C1QTNF1: variants seen among roughly 807,000 people sequenced by gnomAD.
C1QTNF1 encodes complement C1q tumor necrosis factor-related protein 1.
A neutral mutation model predicts 27.8 loss-of-function variants in C1QTNF1; 22 were observed. The observed-to-expected ratio is 0.79, with a 90% CI of 0.56 to 1.13. C1QTNF1 has a LOEUF of 1.13. Ranked by LOEUF, C1QTNF1 falls within the 50% of genes most tolerant of loss-of-function variation. The probability of loss-of-function intolerance (pLI) is 0.00; values close to 1 mark genes in which losing one functional copy is unlikely to be tolerated. For missense variants in C1QTNF1, 373 were observed against 380.2 expected, an observed-to-expected ratio of 0.98 and a Z score of 0.16; for synonymous variants, 166 against 154.3, an observed-to-expected ratio of 1.08 and a Z score of -0.56.
chr17:79,037,381 G>A (rs575658365), intron 1 of C1QTNF1, among the ~76,000 whole-genome samples: 11 of 152,158 alleles, frequency 7.2e-5, no homozygotes, highest in African/African-American at 2.4e-4. Context: ...CACCCGCCTC[G>A]GCCTCCCAAA....
chr17:79,043,083 T>C (rs892399565), intron 1 of C1QTNF1, among the ~76,000 whole-genome samples: 7 of 149,182 alleles, frequency 4.7e-5, no homozygotes, highest in Non-Finnish European at 8.9e-5. Flanking sequence ...GGGTTGCATG[T>C]GTGTATGTGT....
Position 79,029,804 on chromosome 17 carries a change from TG to T in C1QTNF1, c.-15+5313del, listed in dbSNP as rs34948350. ...CAGCCTGGATGAAGTGCCACCCTGCTGGGCTCCCTACCACCTGTGCTGTTCC... is the reference window on the plus strand; with the variant it reads ...CAGCCTGGATGAAGTGCCACCCTGCTGGCTCCCTACCACCTGTGCTGTTCC... On this transcript the variant is annotated intron_variant, in intron 1 of 3. Transcript: ENST00000579760. 1.5e-3 allele frequency among the ~76,000 whole-genome samples: 225 copies of T among 152,304 alleles called. No individual in the cohort carries two copies. In the Middle Eastern group the frequency reaches 0.017, roughly 12 times the overall value.
In C1QTNF1 at chr17:79,046,982, G is replaced by A. The variant is rs946729233; in HGVS notation, c.295+288G>A. The A allele has an allele frequency of 1.4e-5, 6 of 429,588 alleles. No homozygotes were observed. The highest frequency in any genetic ancestry group is 6.0e-4 in the Middle Eastern group (1 of 1,680). 26.6% of individuals were successfully genotyped at this position (429,588 alleles called of 1,614,324 possible). A position where few individuals can be genotyped will look rare whatever the true frequency, so the allele number is the denominator to read the frequency against. On this transcript the variant is annotated intron_variant, in intron 3 of 3. Transcript: ENST00000579760. The surrounding 1 kb of genome is among the most constrained non-coding windows in gnomAD (Gnocchi z 4.8). ...CTCGTCCCTCCAGTTGTATGTGGAC[G>A]CCAGGCTTCTAGGCCCTTTGCTTTG...
intron 1 of C1QTNF1, among the ~76,000 whole-genome samples, chr17:79,030,485 T>TC (rs1555670012): frequency 8.2e-6 from 1 of 121,804 alleles, no homozygotes; most frequent in African/African-American, 3.7e-5. Flanking sequence ...CTTTCTTTCT[T>TC]TTTCTTTCTT....
At chr17:79,047,431 T>C (rs1450099899) in intron 3 of C1QTNF1, 107 bp from the exon 4 acceptor site, 10 of 1,160,026 alleles carry the variant, frequency 8.6e-6, no homozygotes, top group Non-Finnish European at 1.2e-5. Flanking sequence ...AGGTCAGGGC[T>C]GTGAGGACGA....
At position 79,048,757 on chromosome 17, in the gene C1QTNF1, G is replaced by A. The variant is rs1382395540; in HGVS notation, c.*669G>A. On this transcript the variant is annotated 3_prime_UTR_variant, in exon 4 of 4. Transcript: ENST00000579760. ...GAGGTGATGGGGGCTGGGGCCCCAG[G>A]CGTCAGCCTCCCAGAGGGACAGCTG... The A allele has an allele frequency of 1.3e-5, 2 of 152,240 alleles. No homozygotes were observed. The highest frequency in any genetic ancestry group is 2.9e-5 in the Non-Finnish European group (2 of 68,058). 9.4% of individuals were successfully genotyped at this position (152,240 alleles called of 1,614,324 possible). A position where few individuals can be genotyped will look rare whatever the true frequency, so the allele number is the denominator to read the frequency against.
At chr17:79,030,709 C>G (rs1242179133) in intron 1 of C1QTNF1, among the ~76,000 whole-genome samples, 2 of 151,762 alleles carry the variant, frequency 1.3e-5, no homozygotes, top group Non-Finnish European at 2.9e-5. Flanking sequence ...AAGCGATTCT[C>G]CTGCCTCAGC....
chr17:79,044,859 G>A (rs2072525894), intron 2 of C1QTNF1, among the ~76,000 whole-genome samples: 1 of 152,192 alleles, frequency 6.6e-6, no homozygotes, highest in Non-Finnish European at 1.5e-5. Context: ...TAACTTCAGT[G>A]TACGATGGGA....
At chr17:79,029,078 TG>T (rs1485437223) in intron 1 of C1QTNF1, among the ~76,000 whole-genome samples, 1 of 152,130 alleles carries the variant, frequency 6.6e-6, no homozygotes, top group Non-Finnish European at 1.5e-5. Flanking sequence ...ATACCTGGCA[TG>T]TAGTGGGCAC....
chr17:79,024,535 A>C (rs982788764), intron 1 of C1QTNF1, 41 bp downstream of exon 1: 1 of 152,104 alleles, frequency 6.6e-6, no homozygotes, highest in Non-Finnish European at 1.5e-5. Flanking sequence ...GCCCCGCCCC[A>C]TCCTCGTGGC....
At chr17:79,044,391 G>A (rs2072511690) in intron 2 of C1QTNF1, among the ~76,000 whole-genome samples, 1 of 152,198 alleles carries the variant, frequency 6.6e-6, no homozygotes, top group Non-Finnish European at 1.5e-5. Flanking sequence ...CTTTGCAGCT[G>A]CCTCCTTAAG....
chr17:79,047,697 G>A lies in C1QTNF1; in HGVS notation c.455G>A (p.Arg152Gln), dbSNP rs1249970744. Residue 152 changes from arginine to glutamine, a missense_variant, in exon 4 of 4, where the codon CGG becomes CAG. Coordinates refer to ENST00000579760, the MANE Select transcript of C1QTNF1 (RefSeq NM_030968.5). ...KSHYAAFSVG[R>Q]KKPMHSNHYY... Reference sequence around the variant, plus strand: ...CACTACGCCGCCTTTTCGGTGGGCCGGAAGAAGCCCATGCACAGCAACCAC... The same window carrying A: ...CACTACGCCGCCTTTTCGGTGGGCCAGAAGAAGCCCATGCACAGCAACCAC... 7 of 1,613,942 alleles carry A rather than the reference G, an allele frequency of 4.3e-6. No homozygotes were observed. Among genetic ancestry groups the A allele is most frequent in the African/African-American group, 1.3e-5 (1 of 74,884 alleles).
Position 79,044,051 on chromosome 17 carries a change from C to T in C1QTNF1, c.83C>T (p.Pro28Leu). The change falls in exon 2 of 4, where the codon CCC (proline) becomes CTC (leucine). Residue 28 changes from proline to leucine, a missense_variant. Transcript: ENST00000579760. ...FASGLVLSRV[P>L]HVQGEQQEWE... ...TCTGGCCTGGTCCTGAGTCGTGTGC[C>T]CCATGTCCAGGGGGAACAGCAGGAG... 1 of 1,613,918 alleles carries T rather than the reference C, an allele frequency of 6.2e-7. No individual in the cohort carries two copies. The highest frequency in any genetic ancestry group is 8.5e-7 in the Non-Finnish European group (1 of 1,179,892).
chr17:79,025,872 G>A (rs1249179579), intron 1 of C1QTNF1: 5 of 425,838 alleles, frequency 1.2e-5, no homozygotes, highest in East Asian at 7.0e-5. Flanking sequence ...AACAACAGTG[G>A]CAATCATCAT....
chr17:79,028,912 GCA>G (rs372719976), intron 1 of C1QTNF1, among the ~76,000 whole-genome samples: 8 of 149,130 alleles, frequency 5.4e-5, no homozygotes, highest in South Asian at 2.1e-4. Context: ...GTGTGTGTGT[GCA>G]TGCACGCGCG....
At chr17:79,044,325 C>T (rs1198948909) in intron 2 of C1QTNF1, among the ~76,000 whole-genome samples, 1 of 152,196 alleles carries the variant, frequency 6.6e-6, no homozygotes, top group Non-Finnish European at 1.5e-5. Context: ...TCACCTGAAA[C>T]TGCGGACAGT....
At chr17:79,031,179 G>A (rs2072132006) in intron 1 of C1QTNF1, among the ~76,000 whole-genome samples, 2 of 149,972 alleles carry the variant, frequency 1.3e-5, no homozygotes, top group South Asian at 4.2e-4. Flanking sequence ...CTAATTTTTT[G>A]TATTTTTAGT....
chr17:79,028,490 G>A (rs1233896174), intron 1 of C1QTNF1, among the ~76,000 whole-genome samples: 5 of 152,296 alleles, frequency 3.3e-5, no homozygotes, highest in Admixed American at 2.6e-4. Context: ...TTCAGAAAAC[G>A]CTTAGACCCA....
chr17:79,025,883 C>T, intron 1 of C1QTNF1: 1 of 430,622 alleles, frequency 2.3e-6, no homozygotes, highest in Non-Finnish European at 4.7e-6. Flanking sequence ...CAATCATCAT[C>T]ACCATCATCA....
Sources: allele counts gnomAD v4.1 joint callset (sites outside exome capture counted in the v4.1 genomes callset), GRCh38; gene constraint gnomAD v4.1.1; non-coding constraint Gnocchi (gnomAD v3.1); transcripts MANE v1.5; gene names NCBI Gene and HGNC (gene_info 2026-07-23, HGNC 2026-07-21).